POU1F1: variants seen among roughly 807,000 people sequenced by gnomAD.
POU1F1 encodes POU class 1 homeobox 1.
POU1F1 carries 23 observed loss-of-function variants against 32.3 expected under a neutral mutation model. That is an observed-to-expected ratio of 0.71 (90% CI 0.51 to 1.01). POU1F1 has a LOEUF of 1.01. Among genes scored for constraint, POU1F1 ranks in the 50% least tolerant of loss-of-function variants. The probability of loss-of-function intolerance (pLI) is 0.00; values close to 1 mark genes in which losing one functional copy is unlikely to be tolerated. For missense variants in POU1F1, 323 were observed against 341.6 expected (o/e 0.95, Z 0.43); for synonymous variants, 120 against 115.6 (o/e 1.04, Z -0.25).
rs1219258158 is a variant in POU1F1, at chr3:87,276,368, G to A, written c.95C>T (p.Ala32Val). Residue 32 changes from alanine to valine, a missense_variant, in exon 1 of 6, where the codon GCC becomes GTC. By Grantham distance (64) the Ala-to-Val change is moderately conservative (BLOSUM62 0). Transcript: ENST00000350375. ...TLPLIMHHSA[A>V]ECLPVSNHAT... ...ATGGTTGGAGACTGGTAGACACTCG[G>A]CAGCACTGTGATGCATTATCAGAGG... 2 of 1,613,872 alleles carry A rather than the reference G, an allele frequency of 1.2e-6. No individual in the cohort carries two copies. Among genetic ancestry groups the A allele is most frequent in the Non-Finnish European group, 1.7e-6 (2 of 1,179,926 alleles).
chr3:87,267,213 C>T (rs933352430), intron 2 of POU1F1, among the ~76,000 whole-genome samples: 4 of 152,004 alleles, frequency 2.6e-5, no homozygotes, highest in Admixed American at 6.6e-5. Flanking sequence ...CACTTTGTGT[C>T]GTGTTAATTT....
chr3:87,264,194 C>T, intron 3 of POU1F1, 94 bp downstream of exon 3: 1 of 983,508 alleles, frequency 1.0e-6, no homozygotes, highest in Admixed American at 1.9e-5. Context: ...GAATGAGAAT[C>T]ATCTTGTACT....
At chr3:87,271,038 A>G (rs535846707) in intron 2 of POU1F1, among the ~76,000 whole-genome samples, 32 of 152,212 alleles carry the variant, frequency 2.1e-4, no homozygotes, top group Middle Eastern at 3.4e-3. Context: ...TCTTTCAGTC[A>G]CAGAATATAT....
rs367874840 is a variant in POU1F1, at chr3:87,262,105, T to C, written c.570A>G (p.Leu190=). 1.9e-6 allele frequency: 3 copies of C among 1,614,010 alleles called. No homozygotes were observed. The African/African-American group carries it at 4.0e-5, about 22-fold the overall frequency. The change falls in exon 4 of 6, where the codon TTA becomes TTG. Residue 190 remains leucine, a synonymous_variant. Transcript: ENST00000350375. ...GCTCAGCTTCCTCCAGCCATTTGGATAATATTGCTTTCAGTTTGCATGCAT... is the reference window on the plus strand; with the variant it reads ...GCTCAGCTTCCTCCAGCCATTTGGACAATATTGCTTTCAGTTTGCATGCAT... ...FKNACKLKAI[L]SKWLEEAEQV... is the part of the protein sequence containing the mutation.
At chr3:87,268,226 C>G (rs1706661655) in intron 2 of POU1F1, among the ~76,000 whole-genome samples, 1 of 150,992 alleles carries the variant, frequency 6.6e-6, no homozygotes, top group African/African-American at 2.4e-5. Flanking sequence ...CTACAGGTGC[C>G]TGCCACCACA....
chr3:87,270,690 T>C (rs1706706985), intron 2 of POU1F1, among the ~76,000 whole-genome samples: 1 of 152,134 alleles, frequency 6.6e-6, no homozygotes, highest in Admixed American at 6.6e-5. Flanking sequence ...AGGGGCTGAT[T>C]TGATTAATGA....
chr3:87,264,367 C>T lies in POU1F1; in HGVS notation c.360G>A (p.Glu120=). The T allele has an allele frequency of 6.2e-7, 1 of 1,613,942 alleles. No individual in the cohort carries two copies. Among genetic ancestry groups the T allele is most frequent in the South Asian group, 1.1e-5 (1 of 91,082 alleles). ...TTTCTGGAGAATCCATGTCTATTGG[C>T]TCTTCCACCAATTTACTTTTCCGCC... The part of the protein sequence containing the change: ...ELRRKSKLVE[E]PIDMDSPEIR... Residue 120 remains glutamate, a synonymous_variant, in exon 3 of 6, where the codon GAG becomes GAA. Transcript: ENST00000350375.
Position 87,262,058 on chromosome 3 carries a change from C to A in POU1F1, c.604+13G>T, listed in dbSNP as rs771528912. ...TAAAACACAGCACAGCCTTCAGAGA[C>A]ACAATTTAGTACCTCCTACTTGCTC... On this transcript the variant is annotated intron_variant, in intron 4 of 5. Transcript: ENST00000350375. The A allele has an allele frequency of 6.2e-7, 1 of 1,613,940 alleles. No individual in the cohort carries two copies. The highest frequency in any genetic ancestry group is 1.1e-5 in the South Asian group (1 of 91,060).
At chr3:87,273,153 G>A (rs936492641) in intron 2 of POU1F1, among the ~76,000 whole-genome samples, 194 bp downstream of exon 2, 2 of 151,772 alleles carry the variant, frequency 1.3e-5, no homozygotes, top group Non-Finnish European at 2.9e-5. Context: ...ACGTAAGTAG[G>A]GAAATTAGGT....
chr3:87,276,174 T>C, intron 1 of POU1F1, 147 bp downstream of exon 1: 1 of 980,626 alleles, frequency 1.0e-6, no homozygotes, highest in Admixed American at 2.1e-5. Flanking sequence ...GCTTTTTAGA[T>C]ATGCTTAATG....
At chr3:87,272,034 C>T (rs1346639093) in intron 2 of POU1F1, among the ~76,000 whole-genome samples, 1 of 150,204 alleles carries the variant, frequency 6.7e-6, no homozygotes, top group Admixed American at 6.7e-5. Flanking sequence ...ACTATTTGCT[C>T]CATTTTACTT....
chr3:87,273,343 T>G lies in POU1F1; in HGVS notation c.214+4A>C. On this transcript the variant is annotated splice_donor_region_variant and intron_variant, in intron 2 of 5. Coordinates refer to ENST00000350375, the MANE Select transcript of POU1F1 (RefSeq NM_000306.4). Reference sequence around the variant, plus strand: ...AATAACATGTAAAAGACAACTTTTCTTACCTGCCATCACTCCATAGGTTGA... The same window carrying G: ...AATAACATGTAAAAGACAACTTTTCGTACCTGCCATCACTCCATAGGTTGA... 6.2e-7 allele frequency: 1 copy of G among 1,611,450 alleles called. No individual in the cohort carries two copies. The highest frequency in any genetic ancestry group is 8.5e-7 in the Non-Finnish European group (1 of 1,178,110).
chr3:87,264,553 T>A (rs903115738), intron 2 of POU1F1, 41 bp from the exon 3 acceptor site: 3 of 1,452,438 alleles, frequency 2.1e-6, no homozygotes, highest in Middle Eastern at 1.8e-4. Flanking sequence ...AGACCATTTG[T>A]CATTCTCCTT....
At chr3:87,273,502 A>G in intron 1 of POU1F1, 84 bp from the exon 2 acceptor site, 1 of 1,588,636 alleles carries the variant, frequency 6.3e-7, no homozygotes, top group Non-Finnish European at 8.6e-7. Context: ...TGGGACTGGT[A>G]AGAAAATGTA....
At chr3:87,266,383 ATAAAAATATGTAAT>A (rs1053071322) in intron 2 of POU1F1, among the ~76,000 whole-genome samples, 1 of 147,660 alleles carries the variant, frequency 6.8e-6, no homozygotes, top group African/African-American at 2.4e-5. Context: ...ATAAATTTAT[ATAAAAATATGTAAT>A]TATAAATATG....
At chr3:87,272,446 TTAAAAA>T (rs1205520889) in intron 2 of POU1F1, among the ~76,000 whole-genome samples, 1 of 152,202 alleles carries the variant, frequency 6.6e-6, no homozygotes, top group East Asian at 1.9e-4. Context: ...TAAAGCTATC[TTAAAAA>T]TAAACCAACA....
rs767075581 is a variant in POU1F1 at position 87,276,448 on chromosome 3, AG to A, written c.14del (p.Ala5ValfsTer11). ...GTATAAAGGTATCAGCCGAAGTAAA[AG>A]CTTGGCAACTCATTCCCACAAGAGA... The part of the protein sequence containing the change: MSCQ[A>X]FTSADTFIPL... On this transcript the variant is annotated frameshift_variant, in exon 1 of 6. Transcript: ENST00000350375. LOFTEE classifies it high-confidence loss of function. 6.2e-7 allele frequency: 1 copy of A among 1,613,856 alleles called. No individual in the cohort carries two copies. Among genetic ancestry groups the A allele is most frequent in the Non-Finnish European group, 8.5e-7 (1 of 1,179,862 alleles).
Position 87,273,402 on chromosome 3 carries a change from A to G in POU1F1, c.159T>C (p.Tyr53=). Residue 53 remains tyrosine (Y), a synonymous_variant, in exon 2 of 6, where the codon TAT becomes TAC. Transcript: ENST00000350375. ...NVMSTATGLH[Y]SVPSCHYGNQ... is the part of the protein sequence containing the mutation. ...TTCCATAATGACAGGAAGGAACAGA[A>G]TAATGAAGTCCTGTTGCTGTGTTTC... 1 of 1,612,710 alleles carries G rather than the reference A, an allele frequency of 6.2e-7. No homozygotes were observed. Among genetic ancestry groups the G allele is most frequent in the Non-Finnish European group, 8.5e-7 (1 of 1,178,944 alleles).
In POU1F1 at chr3:87,276,269, A is replaced by G; in HGVS notation, c.142+52T>C. On this transcript the variant is annotated intron_variant, in intron 1 of 5. Transcript: ENST00000350375. Reference sequence around the variant, plus strand: ...TTAACTATCAAGATTCAAAGCATTCATTCTGAAATATTTAGGCCCGGTCAT... The same window carrying G: ...TTAACTATCAAGATTCAAAGCATTCGTTCTGAAATATTTAGGCCCGGTCAT... 4 of 1,573,006 alleles carry G rather than the reference A, an allele frequency of 2.5e-6. 1 individual carries two copies. The South Asian group carries it at 3.3e-5, about 13-fold the overall frequency.
Sources: gnomAD v4.1 joint callset for allele counts (sites outside exome capture counted in the v4.1 genomes callset) on GRCh38, gnomAD v4.1.1 for gene constraint, MANE v1.5 for transcripts, NCBI Gene and HGNC (gene_info 2026-07-23, HGNC 2026-07-21) for gene names.